ADAMTS2: variants seen among roughly 807,000 people sequenced by gnomAD.
ADAMTS2 encodes ADAM metallopeptidase with thrombospondin type 1 motif 2, also known as A disintegrin and metalloproteinase with thrombospondin motifs 2.
In ADAMTS2, 50 loss-of-function variants were observed where a neutral mutation model predicts 123.0. That is an observed-to-expected ratio of 0.41 (90% CI 0.32 to 0.51). The LOEUF (loss-of-function observed/expected upper bound fraction) is 0.51. Ranked by LOEUF, ADAMTS2 falls within the 20% of genes least tolerant of loss-of-function variation. The pLI is 0.35. For missense variants in ADAMTS2, 1,494 were observed against 1,705.2 expected (o/e 0.88, Z 2.18); for synonymous variants, 678 against 695.4 (o/e 0.98, Z 0.39).
chr5:179,113,824 A>G lies in ADAMTS2; in HGVS notation c.*43T>C, dbSNP rs766967817. 4 of 1,589,374 alleles carry G rather than the reference A, an allele frequency of 2.5e-6. No individual in the cohort carries two copies. In the Admixed American group the frequency reaches 5.0e-5, roughly 20 times the overall value. The stretch of plus-strand genomic sequence containing the variant: ...ATTTGCTATCCCATGGAATATCTCT[A>G]TAAGCAAGAAAAAAATGCTAGGGAT... On this transcript the variant is annotated 3_prime_UTR_variant, in exon 22 of 22. Transcript: ENST00000251582.
chr5:179,278,277 C>G (rs1034662257), intron 2 of ADAMTS2, among the ~76,000 whole-genome samples: 1 of 150,894 alleles, frequency 6.6e-6, no homozygotes, highest in Non-Finnish European at 1.5e-5. Context: ...AAGTGGAGAT[C>G]ATTTTATTCC....
chr5:179,295,026 T>C (rs1180434271), intron 2 of ADAMTS2, among the ~76,000 whole-genome samples: 1 of 152,220 alleles, frequency 6.6e-6, no homozygotes, highest in Non-Finnish European at 1.5e-5. Context: ...ACTGGCCGCA[T>C]GGATCATTGT....
intron 17 of ADAMTS2, among the ~76,000 whole-genome samples, chr5:179,127,384 G>A (rs975901981): frequency 9.2e-5 from 14 of 152,142 alleles, no homozygotes; most frequent in African/African-American, 3.4e-4. Context: ...ATGGCATCGA[G>A]GGAGGACTGT....
rs1243538134 is a variant in ADAMTS2, at chr5:179,188,985, T to C, written c.892-7830A>G. On this transcript the variant is annotated intron_variant, in intron 4 of 21. Coordinates refer to ENST00000251582, the MANE Select transcript of ADAMTS2 (RefSeq NM_014244.5). The surrounding 1 kb of genome is among the most constrained non-coding windows in gnomAD (Gnocchi z 5.1). Reference sequence around the variant, plus strand: ...TCCCCCTCTCCTGAATTTGGGGGGTTAGCAGAGTGTGGGGGGGATATTCCC... The same window carrying C: ...TCCCCCTCTCCTGAATTTGGGGGGTCAGCAGAGTGTGGGGGGGATATTCCC... Among the ~76,000 whole-genome samples, 1 of 152,058 alleles carries C rather than the reference T, an allele frequency of 6.6e-6. No homozygotes were observed. The highest frequency in any genetic ancestry group is 1.5e-5 in the Non-Finnish European group (1 of 68,000).
At chr5:179,281,361 C>A (rs1475358919) in intron 2 of ADAMTS2, among the ~76,000 whole-genome samples, 1 of 152,214 alleles carries the variant, frequency 6.6e-6, no homozygotes, top group East Asian at 1.9e-4. Flanking sequence ...CTCCCCAACC[C>A]AGCCCTGGGC....
intron 3 of ADAMTS2, among the ~76,000 whole-genome samples, chr5:179,251,844 C>G (rs1374470948): frequency 2.0e-5 from 3 of 152,004 alleles, no homozygotes; most frequent in African/African-American, 7.3e-5. Flanking sequence ...ATTCAGATTA[C>G]TGACACTTTT....
intron 3 of ADAMTS2, among the ~76,000 whole-genome samples, chr5:179,238,184 C>T (rs11746802): frequency 0.35 from 53,113 of 152,078 alleles, 9,887 homozygotes; most frequent in African/African-American, 0.45. Flanking sequence ...GAAGCCACAG[C>T]GGAACTTGGA....
chr5:179,302,202 C>A (rs1033945713), intron 2 of ADAMTS2, among the ~76,000 whole-genome samples: 2 of 151,898 alleles, frequency 1.3e-5, no homozygotes, highest in Non-Finnish European at 2.9e-5. Context: ...TGGCTCATGC[C>A]TGTAATCCCA....
chr5:179,198,555 C>T (rs922359709), intron 4 of ADAMTS2, among the ~76,000 whole-genome samples: 4 of 152,322 alleles, frequency 2.6e-5, no homozygotes, highest in Middle Eastern at 3.4e-3. Context: ...CAGTGTAGGC[C>T]GGGAGCAGTG....
Position 179,114,239 on chromosome 5 carries a change from C to G in ADAMTS2, c.3264G>C (p.Leu1088=). ...TGTACAGGTTACAGGACTTGCAGCA[C>G]AGCTTGTTGTAGCCTGGGATGGAGC... The part of the protein sequence containing the change: ...RYCSIPGYNK[L]CCKSCNLYNN... The change falls in exon 22 of 22, where the codon CTG becomes CTC. Residue 1088 remains leucine (L), a synonymous_variant. Coordinates refer to ENST00000251582, the MANE Select transcript of ADAMTS2 (RefSeq NM_014244.5). The G allele has an allele frequency of 6.2e-7, 1 of 1,613,968 alleles. No homozygotes were observed.
chr5:179,280,934 T>A (rs1393791252), intron 2 of ADAMTS2, among the ~76,000 whole-genome samples: 1 of 152,202 alleles, frequency 6.6e-6, no homozygotes, highest in Non-Finnish European at 1.5e-5. Flanking sequence ...CTCAGCTCAC[T>A]GCAAACTCTG....
In ADAMTS2 at chr5:179,197,369, G is replaced by A. The variant is rs1216868673; in HGVS notation, c.891+10144C>T. ...TAGTGAAATGCTTGAAGCCACAAAG[G>A]AAGCTTCAGCCTTGGGCCCAAGCTT... On this transcript the variant is annotated intron_variant, in intron 4 of 21. Coordinates refer to ENST00000251582, the MANE Select transcript of ADAMTS2 (RefSeq NM_014244.5). This position sits in a 1 kb window ranked among gnomAD's most constrained non-coding sequence, Gnocchi z 4.2. Among the ~76,000 whole-genome samples, 1 of 152,196 alleles carries A rather than the reference G, an allele frequency of 6.6e-6. No homozygotes were observed. Among genetic ancestry groups the A allele is most frequent in the Non-Finnish European group, 1.5e-5 (1 of 68,032 alleles).
chr5:179,123,210 G>T (rs1349478860), intron 19 of ADAMTS2, among the ~76,000 whole-genome samples: 2 of 152,186 alleles, frequency 1.3e-5, no homozygotes, highest in Admixed American at 6.5e-5. Flanking sequence ...TCCACCACTA[G>T]TGCCCTCACT....
chr5:179,245,287 G>A (rs865951780), intron 3 of ADAMTS2, among the ~76,000 whole-genome samples: 27 of 141,608 alleles, frequency 1.9e-4, no homozygotes, highest in South Asian at 1.2e-3. Context: ...GATCCTCCCC[G>A]GAGGAGGACC....
chr5:179,271,343 A>G (rs62394996), intron 3 of ADAMTS2, among the ~76,000 whole-genome samples: 49,811 of 152,060 alleles, frequency 0.33, 9,590 homozygotes, highest in Non-Finnish European at 0.41. Context: ...AGGCCCCCAG[A>G]ACCACCCTGA....
chr5:179,240,475 G>A (rs1334818275), intron 3 of ADAMTS2, among the ~76,000 whole-genome samples: 1 of 152,210 alleles, frequency 6.6e-6, no homozygotes, highest in African/African-American at 2.4e-5. Flanking sequence ...TGGCCTGCAG[G>A]TTTGCTGGAG....
chr5:179,167,009 G>A (rs944606615), intron 5 of ADAMTS2, among the ~76,000 whole-genome samples: 2 of 152,234 alleles, frequency 1.3e-5, no homozygotes, highest in Non-Finnish European at 2.9e-5. Context: ...CGGCTGCGGG[G>A]ACGTTCTCGG....
chr5:179,194,929 C>T (rs1764388959), intron 4 of ADAMTS2, among the ~76,000 whole-genome samples: 1 of 152,208 alleles, frequency 6.6e-6, no homozygotes. Context: ...CTCGCTCCCG[C>T]TCTCCAAGCC....
At chr5:179,152,680 T>A (rs1763384985) in intron 9 of ADAMTS2, among the ~76,000 whole-genome samples, 1 of 152,170 alleles carries the variant, frequency 6.6e-6, no homozygotes, top group African/African-American at 2.4e-5. Context: ...CTGGCCTTTC[T>A]GCTTCCTGTC....
Sources: gnomAD v4.1 joint callset for allele counts (sites outside exome capture counted in the v4.1 genomes callset) on GRCh38, gnomAD v4.1.1 for gene constraint, Gnocchi (gnomAD v3.1) non-coding constraint, MANE v1.5 for transcripts, NCBI Gene and HGNC (gene_info 2026-07-23, HGNC 2026-07-21) for gene names.